The following ATP8B4 variants were observed in gnomAD, a reference collection of about 807,000 sequenced individuals.
ATP8B4 encodes the protein ATPase phospholipid transporting 8B4 (putative).
A neutral mutation model predicts 145.6 loss-of-function variants in ATP8B4; 133 were observed. That is an observed-to-expected ratio of 0.91 (90% CI 0.79 to 1.05). ATP8B4 has a LOEUF of 1.05. Ranked by LOEUF, ATP8B4 falls within the 50% of genes least tolerant of loss-of-function variation. The probability of loss-of-function intolerance (pLI) is 0.00; values close to 1 mark genes in which losing one functional copy is unlikely to be tolerated. For synonymous variants in ATP8B4, 507 were observed against 492.9 expected, an observed-to-expected ratio of 1.03 and a Z score of -0.38; for missense variants, 1,458 against 1,425.2, an observed-to-expected ratio of 1.02 and a Z score of -0.37.
At position 49,996,329 on chromosome 15, in the gene ATP8B4, T is replaced by C. The variant is rs550262224; in HGVS notation, c.589+348A>G. On this transcript the variant is annotated intron_variant, in intron 9 of 27. Transcript: ENST00000284509. ...TGGAGCCAGGAAATGGATGGGTGGT[T>C]AGACCTAGAACTAGAAATACAAGGG... Among the ~76,000 whole-genome samples the C allele has an allele frequency of 4.6e-5, 7 of 152,180 alleles. No individual in the cohort carries two copies. In the South Asian group the frequency reaches 1.0e-3, roughly 23 times the overall value.
chr15:49,870,118 A>G (rs2033447135), intron 25 of ATP8B4, among the ~76,000 whole-genome samples: 1 of 152,226 alleles, frequency 6.6e-6, no homozygotes, highest in Non-Finnish European at 1.5e-5. Flanking sequence ...ATGTTTATCA[A>G]TAGATGATAA....
At chr15:49,919,469 G>T (rs575685363) in intron 18 of ATP8B4, among the ~76,000 whole-genome samples, 1 of 152,092 alleles carries the variant, frequency 6.6e-6, no homozygotes, top group Non-Finnish European at 1.5e-5. Flanking sequence ...CCAGGCTGGA[G>T]TGCAGTGGCG....
intron 1 of ATP8B4, among the ~76,000 whole-genome samples, chr15:50,107,576 T>C (rs2056747292): frequency 6.6e-6 from 1 of 152,230 alleles, no homozygotes; most frequent in African/African-American, 2.4e-5. Context: ...TTTCTTCACA[T>C]TGTAAACTCT....
intron 14 of ATP8B4, among the ~76,000 whole-genome samples, chr15:49,950,336 A>C (rs1485635070): frequency 6.6e-6 from 1 of 151,798 alleles, no homozygotes; most frequent in East Asian, 1.9e-4. Flanking sequence ...TCAATTTCAG[A>C]GCTTGTTATT....
At chr15:50,091,855 A>G (rs796815337) in intron 2 of ATP8B4, among the ~76,000 whole-genome samples, 30 of 152,310 alleles carry the variant, frequency 2.0e-4, no homozygotes, top group African/African-American at 7.2e-4. Context: ...TATATAATGC[A>G]GTAACTTGTG....
chr15:50,085,937 T>G lies in ATP8B4; in HGVS notation c.29-11752A>C, dbSNP rs12904529. On this transcript the variant is annotated intron_variant, in intron 2 of 27. Transcript: ENST00000284509. ...TATATATGATATATATCATATATATTTATATATGATATATATCATATATAT... is the reference window on the plus strand; with the variant it reads ...TATATATGATATATATCATATATATGTATATATGATATATATCATATATAT... Among the ~76,000 whole-genome samples the G allele has an allele frequency of 1.4e-3, 103 of 71,608 alleles. 1 individual carries two copies. Among genetic ancestry groups the G allele is most frequent in the African/African-American group, 8.1e-3 (100 of 12,388 alleles). 47.0% of individuals were successfully genotyped at this position (71,608 alleles called of 152,430 possible).
chr15:49,866,586 G>A (rs1271604247), intron 25 of ATP8B4, 102 bp from the exon 26 acceptor site: 3 of 1,430,134 alleles, frequency 2.1e-6, no homozygotes, highest in African/African-American at 2.8e-5. Flanking sequence ...CAGGAAGTTT[G>A]CACCTGCCTA....
At chr15:49,896,172 T>C (rs1478875826) in intron 23 of ATP8B4, 8 of 152,060 alleles carry the variant, frequency 5.3e-5, no homozygotes, top group Admixed American at 3.9e-4. Flanking sequence ...AAATCAAGAC[T>C]CTGCTTTACT....
chr15:49,877,035 A>T (rs142664685), intron 24 of ATP8B4, among the ~76,000 whole-genome samples: 1 of 152,312 alleles, frequency 6.6e-6, no homozygotes, highest in East Asian at 1.9e-4. Flanking sequence ...GAGAGCAGGG[A>T]AAAGGGGAAA....
At position 49,987,497 on chromosome 15, in the gene ATP8B4, G is replaced by C. The variant is rs772433336; in HGVS notation, c.642C>G (p.Ile214Met). ...PNNKLDKFMG[I>M]LSWKDSKHSL... ...AATGCTTGCTGTCTTTCCAAGAAAG[G>C]ATTCCCATGAATTTATCTAACTTGT... Residue 214 changes from isoleucine to methionine, a missense_variant, in exon 10 of 28, where the codon ATC becomes ATG. Transcript: ENST00000284509. 26 of 1,613,648 alleles carry C rather than the reference G, an allele frequency of 1.6e-5. No individual in the cohort carries two copies. Among genetic ancestry groups the C allele is most frequent in the Non-Finnish European group, 2.2e-5 (26 of 1,179,708 alleles).
chr15:50,094,607 T>C lies in ATP8B4; in HGVS notation c.28+12332A>G, dbSNP rs112700111. Reference sequence around the variant, plus strand: ...ACATATATACAAATATACACATATATACGTATATACACATATACGTGTATA... The same window carrying C: ...ACATATATACAAATATACACATATACACGTATATACACATATACGTGTATA... On this transcript the variant is annotated intron_variant, in intron 2 of 27. Transcript: ENST00000284509. Among the ~76,000 whole-genome samples, 67 of 147,062 alleles carry C rather than the reference T, an allele frequency of 4.6e-4. 1 individual carries two copies. The highest frequency in any genetic ancestry group is 1.7e-3 in the African/African-American group (67 of 40,524).
At chr15:49,960,968 T>TA (rs1476407600) in intron 14 of ATP8B4, among the ~76,000 whole-genome samples, 1 of 151,828 alleles carries the variant, frequency 6.6e-6, no homozygotes, top group African/African-American at 2.4e-5. Flanking sequence ...TGGTCTCTAC[T>TA]AAAAAATACA....
upstream of ATP8B4, among the ~76,000 whole-genome samples, chr15:50,123,946 G>A (rs2057290897): frequency 6.6e-6 from 1 of 152,104 alleles, no homozygotes; most frequent in Admixed American, 6.6e-5. Context: ...ATAATTCAAA[G>A]TTTTAGTATT....
intron 20 of ATP8B4, among the ~76,000 whole-genome samples, chr15:49,912,896 G>C (rs754748307): frequency 1.3e-5 from 2 of 152,016 alleles, no homozygotes; most frequent in Admixed American, 1.3e-4. Context: ...GGGAAGCGGA[G>C]GCAGGCAGAT....
chr15:49,937,109 T>C (rs1269653214), intron 14 of ATP8B4, among the ~76,000 whole-genome samples: 1 of 152,190 alleles, frequency 6.6e-6, no homozygotes, highest in Admixed American at 6.5e-5. Context: ...TCATATTTTT[T>C]ACTGCATTTT....
chr15:49,920,286 CG>C lies in ATP8B4; in HGVS notation c.1882del (p.Arg628GlufsTer2). 1 of 1,614,148 alleles carries C rather than the reference CG, an allele frequency of 6.2e-7. No individual in the cohort carries two copies. Among genetic ancestry groups the C allele is most frequent in the Non-Finnish European group, 8.5e-7 (1 of 1,180,020 alleles). ...ANAATEERDERIAGLYEEIER... is the reference protein window; with the variant it reads ...ANAATEERDEXIAGLYEEIER... ...AATTTCTTCATATAGCCCAGCTATT[CG>C]TTCATCCCTCTCTTCTGTGGCAGCA... On this transcript the variant is annotated frameshift_variant, in exon 18 of 28. Coordinates refer to ENST00000284509, the MANE Select transcript of ATP8B4 (RefSeq NM_024837.4). LOFTEE classifies it high-confidence loss of function.
chr15:50,097,658 A>G (rs1422680130), intron 2 of ATP8B4, among the ~76,000 whole-genome samples: 1 of 152,216 alleles, frequency 6.6e-6, no homozygotes, highest in Non-Finnish European at 1.5e-5. Flanking sequence ...AGAGGCTTCC[A>G]GGATGTCCTC....
At chr15:50,178,397 T>C (rs1165669728) in intron 1 of ATP8B4, among the ~76,000 whole-genome samples, 10 of 152,250 alleles carry the variant, frequency 6.6e-5, no homozygotes, top group Non-Finnish European at 1.3e-4. Flanking sequence ...TTTATGTTAC[T>C]GAATAGACAA....
chr15:50,019,534 CTAT>C (rs2049363337), intron 6 of ATP8B4, among the ~76,000 whole-genome samples: 1 of 152,158 alleles, frequency 6.6e-6, no homozygotes, highest in South Asian at 2.1e-4. Context: ...AATACTGTGA[CTAT>C]TTTTTATTAT....
Sources: gnomAD v4.1 joint callset for allele counts (sites outside exome capture counted in the v4.1 genomes callset) on GRCh38, gnomAD v4.1.1 for gene constraint, MANE v1.5 for transcripts, NCBI Gene and HGNC (gene_info 2026-07-23, HGNC 2026-07-21) for gene names.